Variants in SHB observed in about 807,000 individuals in gnomAD.
The protein encoded by SHB is SH2 domain containing adaptor protein B.
Under a neutral mutation model 52.3 loss-of-function variants are expected in SHB, and 20 were observed. That is an observed-to-expected ratio of 0.38 (90% confidence interval 0.27 to 0.56). SHB has a LOEUF of 0.56. SHB is among the 20% of genes least tolerant of loss of function. The pLI, the probability that SHB is intolerant of heterozygous loss-of-function variation, is 0.71. For synonymous variants in SHB, 397 were observed against 316.5 expected (o/e 1.25, Z -2.70); for missense variants, 825 against 723.3 (o/e 1.14, Z -1.61).
At chr9:38,035,633 G>A (rs1821477044) in intron 1 of SHB, among the ~76,000 whole-genome samples, 1 of 152,144 alleles carries the variant, frequency 6.6e-6, no homozygotes, top group African/African-American at 2.4e-5. Context: ...AGGTCTTGGG[G>A]ACAGAAGGAC....
In SHB at chr9:37,918,212, G is replaced by A. The variant is rs73646127; in HGVS notation, c.*1609C>T. 4.2e-3 allele frequency among the ~76,000 whole-genome samples: 645 copies of A among 152,368 alleles called. 5 individuals carry two copies. Among genetic ancestry groups the A allele is most frequent in the African/African-American group, 0.014 (588 of 41,584 alleles). ...CAGCTGGTGCCTGGCGAAGGCTCTGGAACCCTTGTATCTCATTCAGGAGAG... is the reference window on the plus strand; with the variant it reads ...CAGCTGGTGCCTGGCGAAGGCTCTGAAACCCTTGTATCTCATTCAGGAGAG... On this transcript the variant is annotated 3_prime_UTR_variant, in exon 6 of 6. Transcript: ENST00000377707.
intron 1 of SHB, among the ~76,000 whole-genome samples, chr9:38,044,313 G>C (rs1821619588): frequency 6.6e-6 from 1 of 152,184 alleles, no homozygotes; most frequent in Non-Finnish European, 1.5e-5. Flanking sequence ...TCCTTAGTAT[G>C]GTATTTGCAG....
At chr9:37,980,560 A>G (rs930109029) in intron 2 of SHB, among the ~76,000 whole-genome samples, 7 of 152,222 alleles carry the variant, frequency 4.6e-5, no homozygotes, top group Non-Finnish European at 1.0e-4. Flanking sequence ...CTCTTCTTCC[A>G]AACTCCTGTT....
intron 4 of SHB, among the ~76,000 whole-genome samples, chr9:37,951,222 C>T (rs1393074101): frequency 1.3e-5 from 2 of 152,236 alleles, no homozygotes; most frequent in African/African-American, 4.8e-5. Context: ...CCAAGCTGGA[C>T]ATCCGGAGGG....
At chr9:37,932,562 C>CAAAAAAAAAA (rs74171537) in intron 5 of SHB, among the ~76,000 whole-genome samples, 2 of 86,726 alleles carry the variant, frequency 2.3e-5, no homozygotes, top group African/African-American at 8.3e-5. Context: ...GCTCTAGCCA[C>CAAAAAAAAAA]AAAAAAAAAA....
At chr9:37,989,317 C>T (rs76916224) in intron 2 of SHB, among the ~76,000 whole-genome samples, 2,875 of 152,244 alleles carry the variant, frequency 0.019, 51 homozygotes, top group East Asian at 0.09. Flanking sequence ...TGCCCCTTCT[C>T]CTGACCCCAA....
chr9:37,920,353 T>C (rs1182437512), intron 5 of SHB, among the ~76,000 whole-genome samples: 1 of 151,780 alleles, frequency 6.6e-6, no homozygotes, highest in East Asian at 1.9e-4. Context: ...CTCTTTTCTA[T>C]TACCAGTGCA....
intron 2 of SHB, among the ~76,000 whole-genome samples, chr9:37,975,730 T>C (rs1820645603): frequency 1.3e-5 from 2 of 152,176 alleles, no homozygotes; most frequent in South Asian, 2.1e-4. Flanking sequence ...GCGGGGAATG[T>C]GGGGAAGGTT....
At chr9:37,996,105 T>C (rs1820943624) in intron 2 of SHB, among the ~76,000 whole-genome samples, 1 of 152,194 alleles carries the variant, frequency 6.6e-6, no homozygotes, top group Admixed American at 6.5e-5. Context: ...TTTTGAATAA[T>C]GTCCAAGCCG....
intron 1 of SHB, among the ~76,000 whole-genome samples, chr9:38,027,401 G>GCAAGGGCA (rs1214924850): frequency 6.6e-6 from 1 of 152,132 alleles, no homozygotes; most frequent in East Asian, 1.9e-4. Context: ...GCTGGCATAG[G>GCAAGGGCA]CAAGGGCACA....
chr9:38,002,374 A>C (rs537079465), intron 2 of SHB, among the ~76,000 whole-genome samples: 2 of 152,284 alleles, frequency 1.3e-5, no homozygotes, highest in South Asian at 4.1e-4. Context: ...TTAAACAGAG[A>C]GGTGGAAAAG....
rs116740036 is a variant in SHB, at chr9:38,061,684, G to A, written c.717+6245C>T. ...CAAGTCATGGGGGTTAAGCCCTGGGGTAATCAGTCATGTTCTGAGATTGTC... is the reference window on the plus strand; with the variant it reads ...CAAGTCATGGGGGTTAAGCCCTGGGATAATCAGTCATGTTCTGAGATTGTC... On this transcript the variant is annotated intron_variant, in intron 1 of 5. Transcript: ENST00000377707. Among the ~76,000 whole-genome samples, 596 of 152,312 alleles carry A rather than the reference G, an allele frequency of 3.9e-3. 5 individuals carry two copies. Among genetic ancestry groups the A allele is most frequent in the African/African-American group, 0.014 (575 of 41,562 alleles).
In SHB at chr9:37,915,979, T is replaced by TA. The variant is rs1242492663; in HGVS notation, c.*3841dup. Among the ~76,000 whole-genome samples, 33 of 152,250 alleles carry TA rather than the reference T, an allele frequency of 2.2e-4. 2 individuals are homozygous for TA. ...AGTGTGTCACATAGATTTGGAATGT[T>TA]ACAAGAGACTTCAGCAGTAGGTGGC... On this transcript the variant is annotated 3_prime_UTR_variant, in exon 6 of 6. Coordinates refer to ENST00000377707, the MANE Select transcript of SHB (RefSeq NM_003028.3).
At chr9:38,029,769 G>C (rs758365372) in intron 1 of SHB, among the ~76,000 whole-genome samples, 39 of 152,202 alleles carry the variant, frequency 2.6e-4, no homozygotes, top group Non-Finnish European at 4.3e-4. Context: ...GGGATTACAG[G>C]TGTGAGCCAC....
intron 1 of SHB, among the ~76,000 whole-genome samples, chr9:38,018,502 C>T (rs1320771467): frequency 8.8e-6 from 1 of 113,200 alleles, no homozygotes; most frequent in South Asian, 3.3e-4. Flanking sequence ...AAAATCCTTC[C>T]ATTGAAAAAA....
At chr9:37,926,001 AC>A (rs139816956) in intron 5 of SHB, among the ~76,000 whole-genome samples, 4 of 152,114 alleles carry the variant, frequency 2.6e-5, no homozygotes, top group African/African-American at 9.6e-5. Context: ...GGGCCCTTCC[AC>A]CCCCACAGAC....
chr9:38,006,502 C>T (rs1197795569), intron 2 of SHB, among the ~76,000 whole-genome samples: 1 of 152,194 alleles, frequency 6.6e-6, no homozygotes, highest in Non-Finnish European at 1.5e-5. Context: ...AGTTTCTGCA[C>T]TTTCAGATCT....
intron 2 of SHB, among the ~76,000 whole-genome samples, chr9:38,004,726 G>A (rs546290766): frequency 1.4e-3 from 215 of 152,332 alleles, no homozygotes; most frequent in Admixed American, 2.2e-3. Flanking sequence ...CTGTGTGGCT[G>A]GGGGCACGGG....
At chr9:38,052,283 T>C (rs1193249300) in intron 1 of SHB, among the ~76,000 whole-genome samples, 1 of 151,942 alleles carries the variant, frequency 6.6e-6, no homozygotes, top group Admixed American at 6.6e-5. Flanking sequence ...CTGCTCCATG[T>C]TTCAGCAGAA....
Sources: gnomAD v4.1 joint callset for allele counts (sites outside exome capture counted in the v4.1 genomes callset) on GRCh38, gnomAD v4.1.1 for gene constraint, MANE v1.5 for transcripts, NCBI Gene and HGNC (gene_info 2026-07-23, HGNC 2026-07-21) for gene names.